The following HGF variants were observed in gnomAD, a reference collection of about 807,000 sequenced individuals.
HGF encodes the protein hepatocyte growth factor.
In HGF, 39 loss-of-function variants were observed where a neutral mutation model predicts 111.6. That is an observed-to-expected ratio of 0.35 (90% confidence interval 0.27 to 0.46). HGF has a LOEUF of 0.46. Among genes scored for constraint, HGF ranks in the 20% least tolerant of loss-of-function variants. The pLI, the probability that HGF is intolerant of heterozygous loss-of-function variation, is 1.00. For synonymous variants in HGF, 285 were observed against 294.8 expected (o/e 0.97, Z 0.34); for missense variants, 735 against 910.5 (o/e 0.81, Z 2.48).
At chr7:81,763,723 A>C (rs1260566559) in intron 1 of HGF, among the ~76,000 whole-genome samples, 1 of 152,176 alleles carries the variant, frequency 6.6e-6, no homozygotes, top group Non-Finnish European at 1.5e-5. Context: ...GCATCTTCAC[A>C]ATGCAGATCA....
chr7:81,750,525 T>C (rs1312385180), intron 5 of HGF, among the ~76,000 whole-genome samples: 1 of 152,190 alleles, frequency 6.6e-6, no homozygotes, highest in Non-Finnish European at 1.5e-5. Flanking sequence ...GAGATAAGAA[T>C]AACTGAAAAT....
intron 1 of HGF, among the ~76,000 whole-genome samples, chr7:81,764,361 A>C (rs187707838): frequency 6.6e-6 from 1 of 152,282 alleles, no homozygotes; most frequent in African/African-American, 2.4e-5. Context: ...AGACAATACT[A>C]ATTCCTGCAA....
At chr7:81,703,677 T>A (rs1011694) in intron 17 of HGF, among the ~76,000 whole-genome samples, 128,999 of 151,364 alleles carry the variant, frequency 0.85, 55,362 homozygotes, top group African/African-American at 0.95. Context: ...GTAGCCTCCT[T>A]AGAATGCAGT....
intron 8 of HGF, 119 bp downstream of exon 8, chr7:81,729,486 T>C: frequency 1.3e-6 from 1 of 768,324 alleles, no homozygotes; most frequent in Non-Finnish European, 2.3e-6. Flanking sequence ...TTTTAACTCC[T>C]GATTATCACT....
intron 2 of HGF, among the ~76,000 whole-genome samples, chr7:81,762,506 A>C (rs1789135660): frequency 6.6e-6 from 1 of 152,234 alleles, no homozygotes; most frequent in Admixed American, 6.5e-5. Flanking sequence ...TTTAGAAGGT[A>C]GCAGTTTTTG....
intron 5 of HGF, chr7:81,751,509 C>CTG: frequency 1.7e-5 from 14 of 824,178 alleles, no homozygotes; most frequent in Non-Finnish European, 2.0e-5. Context: ...ATAGACATGC[C>CTG]TTCAAGACAG....
At chr7:81,741,056 T>A (rs1787982546) in intron 7 of HGF, among the ~76,000 whole-genome samples, 1 of 152,236 alleles carries the variant, frequency 6.6e-6, no homozygotes, top group Non-Finnish European at 1.5e-5. Context: ...ACCAAAACAT[T>A]TAAAAGAATA....
intron 7 of HGF, among the ~76,000 whole-genome samples, chr7:81,730,172 G>A (rs974420981): frequency 1.3e-5 from 2 of 152,142 alleles, no homozygotes; most frequent in African/African-American, 2.4e-5. Context: ...ATTCTGGCCA[G>A]GTATGGTGGC....
At chr7:81,727,325 G>A (rs1790044492) in intron 8 of HGF, among the ~76,000 whole-genome samples, 2 of 151,934 alleles carry the variant, frequency 1.3e-5, no homozygotes, top group Admixed American at 6.6e-5. Flanking sequence ...TTACAGGCAT[G>A]AGCCACCGCA....
intron 9 of HGF, 25 bp downstream of exon 9, chr7:81,725,865 C>T (rs1254658750): frequency 6.2e-7 from 1 of 1,613,768 alleles, no homozygotes; most frequent in African/African-American, 1.3e-5. Flanking sequence ...TAATCATGCC[C>T]ACCCTGCAGA....
At chr7:81,706,949 C>T (rs2074724) in intron 14 of HGF, among the ~76,000 whole-genome samples, 129,194 of 151,572 alleles carry the variant, frequency 0.85, 55,425 homozygotes, top group African/African-American at 0.95. Context: ...GTAGTGAGGA[C>T]TGAAAAAAGC....
At chr7:81,723,414 T>C (rs1305858962) in intron 9 of HGF, among the ~76,000 whole-genome samples, 1 of 152,098 alleles carries the variant, frequency 6.6e-6, no homozygotes, top group Non-Finnish European at 1.5e-5. Context: ...ATACCATTAA[T>C]ACAGAGCAAG....
chr7:81,756,425 T>A, intron 4 of HGF: 1 of 207,850 alleles, frequency 4.8e-6, no homozygotes, highest in Admixed American at 5.5e-5. Flanking sequence ...GAAATAAGCC[T>A]TGACTAATAC....
chr7:81,739,702 C>T (rs1787944428), intron 7 of HGF, among the ~76,000 whole-genome samples: 1 of 152,002 alleles, frequency 6.6e-6, no homozygotes, highest in Non-Finnish European at 1.5e-5. Flanking sequence ...GGAAAGAATT[C>T]ACCTGAGAGA....
chr7:81,752,017 C>T, intron 5 of HGF, 103 bp downstream of exon 5: 1 of 1,551,896 alleles, frequency 6.4e-7, no homozygotes, highest in Non-Finnish European at 8.7e-7. Flanking sequence ...GCACGAACAA[C>T]ATATTTGTTA....
chr7:81,760,014 C>G (rs1788988028), intron 2 of HGF, among the ~76,000 whole-genome samples: 3 of 152,220 alleles, frequency 2.0e-5, no homozygotes, highest in East Asian at 1.9e-4. Context: ...TTCCAGTTTG[C>G]TGATCTCATT....
chr7:81,727,606 A>C (rs1279722994), intron 8 of HGF, among the ~76,000 whole-genome samples: 1 of 152,170 alleles, frequency 6.6e-6, no homozygotes, highest in Non-Finnish European at 1.5e-5. Context: ...TCAGTATAAA[A>C]TATGTGTGTT....
At chr7:81,758,212 A>C (rs1423455053) in intron 3 of HGF, among the ~76,000 whole-genome samples, 1 of 152,008 alleles carries the variant, frequency 6.6e-6, no homozygotes, top group African/African-American at 2.4e-5. Context: ...ATTTTTTTCA[A>C]GTATATGATG....
intron 13 of HGF, among the ~76,000 whole-genome samples, chr7:81,708,519 TC>T: frequency 1.6e-5 from 2 of 126,046 alleles, no homozygotes; most frequent in South Asian, 2.8e-4. Context: ...TCTCCTTCCT[TC>T]CTTCTTTTTT....
Sources: allele counts gnomAD v4.1 joint callset (sites outside exome capture counted in the v4.1 genomes callset), GRCh38; gene constraint gnomAD v4.1.1; transcripts MANE v1.5; gene names NCBI Gene and HGNC (gene_info 2026-07-23, HGNC 2026-07-21).